Variants in DGKI observed in about 807,000 individuals in gnomAD.
The protein encoded by DGKI is DAG kinase iota.
Under a neutral mutation model 147.5 loss-of-function variants are expected in DGKI, and 55 were observed. The observed-to-expected ratio is 0.37, with a 90% CI of 0.30 to 0.47. The LOEUF (loss-of-function observed/expected upper bound fraction) is 0.47, where lower values mean the gene tolerates loss of function less well. DGKI is among the 20% of genes least tolerant of loss of function. DGKI has a pLI of 1.00. For missense variants in DGKI, 1,007 were observed against 1,323.8 expected (o/e 0.76, Z 3.71); for synonymous variants, 469 against 477.1 (o/e 0.98, Z 0.22).
In DGKI at chr7:137,798,493, C is replaced by G. The variant is rs571950126; in HGVS notation, c.401+47969G>C. Among the ~76,000 whole-genome samples the G allele has an allele frequency of 2.0e-4, 31 of 152,304 alleles. No individual in the cohort carries two copies. The East Asian group carries it at 5.8e-3, about 28-fold the overall frequency. On this transcript the variant is annotated intron_variant, in intron 1 of 32. Coordinates refer to ENST00000614521, the MANE Select transcript of DGKI (RefSeq NM_001321708.2). Reference sequence around the variant, plus strand: ...CTGGAGTGCAGTGGCACAATCATGGCTCACTACAGCCTCAACTTCCTGGGC... The same window carrying G: ...CTGGAGTGCAGTGGCACAATCATGGGTCACTACAGCCTCAACTTCCTGGGC...
intron 30 of DGKI, among the ~76,000 whole-genome samples, chr7:137,400,333 C>G (rs1811706099): frequency 6.6e-6 from 1 of 152,174 alleles, no homozygotes; most frequent in Non-Finnish European, 1.5e-5. Flanking sequence ...TAGCTCTGTT[C>G]CCATTGGTAC....
At chr7:137,540,621 G>A (rs1223794726) in intron 20 of DGKI, among the ~76,000 whole-genome samples, 2 of 151,836 alleles carry the variant, frequency 1.3e-5, no homozygotes, top group Admixed American at 6.6e-5. Context: ...AGGAGGCAGA[G>A]GTTTCAGTGA....
intron 23 of DGKI, among the ~76,000 whole-genome samples, chr7:137,476,645 A>C (rs113459443): frequency 5.9e-5 from 9 of 152,212 alleles, no homozygotes; most frequent in African/African-American, 2.2e-4. Context: ...TCTTCTATGC[A>C]TGTGCAGGCT....
At chr7:137,530,657 C>A (rs1360177587) in intron 20 of DGKI, among the ~76,000 whole-genome samples, 1 of 152,050 alleles carries the variant, frequency 6.6e-6, no homozygotes, top group African/African-American at 2.4e-5. Context: ...CCTAAATTTG[C>A]GATGAGAAAA....
intron 28 of DGKI, among the ~76,000 whole-genome samples, chr7:137,425,138 G>C (rs554988076): frequency 6.6e-6 from 1 of 152,200 alleles, no homozygotes; most frequent in African/African-American, 2.4e-5. Flanking sequence ...GCCTAGCTGG[G>C]AGGCACCCCC....
At chr7:137,400,501 T>C (rs1446683194) in intron 30 of DGKI, among the ~76,000 whole-genome samples, 4 of 152,180 alleles carry the variant, frequency 2.6e-5, no homozygotes, top group African/African-American at 9.7e-5. Context: ...AGGCTTTTAA[T>C]TGAGCTAGCA....
chr7:137,751,552 T>G (rs1795490596), intron 1 of DGKI, among the ~76,000 whole-genome samples: 1 of 152,258 alleles, frequency 6.6e-6, no homozygotes, highest in Non-Finnish European at 1.5e-5. Context: ...AGAATATGCT[T>G]GAGTATAGAT....
At chr7:137,830,668 CA>C (rs1798192215) in intron 1 of DGKI, among the ~76,000 whole-genome samples, 1 of 152,256 alleles carries the variant, frequency 6.6e-6, no homozygotes, top group South Asian at 2.1e-4. Flanking sequence ...TCTAAAGAAA[CA>C]AGAGCTGAAG....
At chr7:137,658,175 G>A (rs1254294804) in intron 3 of DGKI, among the ~76,000 whole-genome samples, 1 of 152,146 alleles carries the variant, frequency 6.6e-6, no homozygotes, top group African/African-American at 2.4e-5. Context: ...AAAAGAAGAA[G>A]AGAAAAAGAA....
At position 137,846,705 on chromosome 7, in the gene DGKI, A is replaced by T; in HGVS notation, c.158T>A (p.Met53Lys). ...APSAAAGAGA[M>K]NPSSSAGEEK... The stretch of plus-strand genomic sequence containing the variant: ...CTCTCCCGCCGAGGAGCTGGGGTTC[A>T]TGGCGCCCGCTCCGGCGGCCGCGGA... Residue 53 changes from methionine to lysine, a missense_variant, in exon 1 of 33, where the codon ATG (methionine) becomes AAG (lysine). Coordinates refer to ENST00000614521, the MANE Select transcript of DGKI (RefSeq NM_001321708.2). This position sits in a 1 kb window ranked among gnomAD's most constrained non-coding sequence, Gnocchi z 4.0. 9.6e-7 allele frequency: 1 copy of T among 1,038,868 alleles called. No homozygotes were observed. Among genetic ancestry groups the T allele is most frequent in the South Asian group, 3.6e-5 (1 of 28,026 alleles). 64.4% of individuals were successfully genotyped at this position (1,038,868 alleles called of 1,614,324 possible). A position where few individuals can be genotyped will look rare whatever the true frequency, so the allele number is the denominator to read the frequency against.
intron 1 of DGKI, among the ~76,000 whole-genome samples, chr7:137,710,599 C>T (rs550887503): frequency 5.9e-5 from 9 of 152,094 alleles, no homozygotes; most frequent in Middle Eastern, 3.4e-3. Context: ...TGTATTTATA[C>T]CTCGAAGCAT....
chr7:137,596,086 G>C (rs978775846), intron 12 of DGKI, among the ~76,000 whole-genome samples: 3 of 150,686 alleles, frequency 2.0e-5, no homozygotes, highest in Non-Finnish European at 4.4e-5. Flanking sequence ...GGGAGGGAGA[G>C]GTGGAATGGG....
intron 10 of DGKI, among the ~76,000 whole-genome samples, chr7:137,600,860 C>T (rs1246654901): frequency 6.6e-6 from 1 of 152,198 alleles, no homozygotes; most frequent in Non-Finnish European, 1.5e-5. Flanking sequence ...AAACACTTCT[C>T]TGTCACGTGA....
At chr7:137,783,995 A>T (rs1796594965) in intron 1 of DGKI, among the ~76,000 whole-genome samples, 1 of 152,216 alleles carries the variant, frequency 6.6e-6, no homozygotes. Context: ...TCTTGAAACA[A>T]ATCCTCAAAA....
chr7:137,497,553 A>G (rs1367540611), intron 21 of DGKI, among the ~76,000 whole-genome samples: 1 of 152,170 alleles, frequency 6.6e-6, no homozygotes, highest in Non-Finnish European at 1.5e-5. Flanking sequence ...ATGCCCATCA[A>G]GGGTAGAGAG....
chr7:137,589,392 A>G (rs1166049957), intron 12 of DGKI, among the ~76,000 whole-genome samples: 3 of 152,270 alleles, frequency 2.0e-5, no homozygotes, highest in Non-Finnish European at 4.4e-5. Flanking sequence ...CTAAAAATCC[A>G]GACCTATAAA....
chr7:137,673,100 G>A (rs1822911447), intron 3 of DGKI, among the ~76,000 whole-genome samples: 1 of 151,370 alleles, frequency 6.6e-6, no homozygotes, highest in Non-Finnish European at 1.5e-5. Context: ...CTCTTATAAC[G>A]GCACATGTCA....
intron 1 of DGKI, among the ~76,000 whole-genome samples, chr7:137,695,327 C>T (rs953583197): frequency 2.0e-5 from 3 of 152,092 alleles, no homozygotes; most frequent in African/African-American, 7.2e-5. Context: ...ATGTATTTAC[C>T]GAATGTCTAT....
Position 137,415,593 on chromosome 7 carries a change from G to T in DGKI, c.2762-3386C>A, listed in dbSNP as rs189048123. 2.6e-5 allele frequency among the ~76,000 whole-genome samples: 4 copies of T among 152,328 alleles called. No homozygotes were observed. The East Asian group carries it at 7.7e-4, about 29-fold the overall frequency. On this transcript the variant is annotated intron_variant, in intron 28 of 32. Coordinates refer to ENST00000614521, the MANE Select transcript of DGKI (RefSeq NM_001321708.2). ...ATAGGATGTTCTCCTGACTGAAGCAGAATGTCTCTAATAGGAGAGAAAGAA... is the reference window on the plus strand; with the variant it reads ...ATAGGATGTTCTCCTGACTGAAGCATAATGTCTCTAATAGGAGAGAAAGAA...
Sources: gnomAD v4.1 joint callset for allele counts (sites outside exome capture counted in the v4.1 genomes callset) on GRCh38, gnomAD v4.1.1 for gene constraint, Gnocchi (gnomAD v3.1) non-coding constraint, MANE v1.5 for transcripts, NCBI Gene and HGNC (gene_info 2026-07-23, HGNC 2026-07-21) for gene names.